Variants in DMD observed in about 807,000 individuals in gnomAD.
The protein encoded by DMD is mutant dystrophin.
In DMD, 63 loss-of-function variants were observed where a neutral mutation model predicts 330.1. The observed-to-expected ratio is 0.19, with a 90% CI of 0.16 to 0.24. The LOEUF (loss-of-function observed/expected upper bound fraction) is 0.24, where lower values mean the gene tolerates loss of function less well. Among genes scored for constraint, DMD ranks in the 10% least tolerant of loss-of-function variants. DMD has a pLI of 1.00. For synonymous variants in DMD, 1,223 were observed against 959.8 expected, an observed-to-expected ratio of 1.27 and a Z score of -5.07; for missense variants, 3,344 against 2,684.1, an observed-to-expected ratio of 1.25 and a Z score of -5.43.
intron 7 of DMD, among the ~76,000 whole-genome samples, chrX:32,714,689 C>T (rs1295943438): frequency 8.9e-6 from 1 of 111,808 alleles, no homozygotes; most frequent in African/African-American, 3.3e-5. Flanking sequence ...TCATATGTGA[C>T]TTCCTTTCCT....
At chrX:33,141,466 G>C (rs1039573244) in intron 1 of DMD, among the ~76,000 whole-genome samples, 1 of 111,419 alleles carries the variant, frequency 9.0e-6, no homozygotes, top group African/African-American at 3.3e-5. Context: ...GTCTTGCTAT[G>C]TATGGCCAAA....
chrX:31,584,953 T>C (rs2076517085), intron 55 of DMD, among the ~76,000 whole-genome samples: 1 of 110,181 alleles, frequency 9.1e-6, no homozygotes, highest in African/African-American at 3.3e-5. Flanking sequence ...TATCCTATAG[T>C]CACACAATAG....
intron 11 of DMD, among the ~76,000 whole-genome samples, chrX:32,639,717 G>A (rs1450757730): frequency 8.9e-6 from 1 of 111,819 alleles, no homozygotes; most frequent in African/African-American, 3.2e-5. Context: ...GTATCTGTAT[G>A]GTTATCTTTC....
intron 17 of DMD, among the ~76,000 whole-genome samples, chrX:32,541,765 A>G (rs967494464): frequency 8.3e-5 from 9 of 108,701 alleles, no homozygotes; most frequent in Non-Finnish European, 1.7e-4. Flanking sequence ...CAATTTACCC[A>G]TGTAACAAAC....
intron 43 of DMD, among the ~76,000 whole-genome samples, chrX:32,252,729 TATAA>T (rs2097273211): frequency 2.3e-5 from 1 of 43,907 alleles, no homozygotes; most frequent in Non-Finnish European, 3.4e-5. Flanking sequence ...TATATAAATA[TATAA>T]ATATATATAT....
At chrX:33,065,047 G>T (rs934628623) in intron 1 of DMD, among the ~76,000 whole-genome samples, 1 of 111,826 alleles carries the variant, frequency 8.9e-6, no homozygotes, top group Non-Finnish European at 1.9e-5. Context: ...CATTAACATG[G>T]AAAAAGTGCT....
chrX:32,302,329 G>C lies in DMD; in HGVS notation c.6117+7753C>G, dbSNP rs144591941. On this transcript the variant is annotated intron_variant, in intron 42 of 78. Transcript: ENST00000357033. ...TAAACCATGATATTTGGTGGGTTAA[G>C]TGTATTGAATGCATTTCCGCATACA... Among the ~76,000 whole-genome samples, 726 of 111,222 alleles carry C rather than the reference G, an allele frequency of 6.5e-3. 7 individuals are homozygous for C. Among genetic ancestry groups the C allele is most frequent in the African/African-American group, 0.022 (691 of 30,776 alleles).
chrX:32,388,672 C>T (rs1259673071), intron 32 of DMD, among the ~76,000 whole-genome samples: 2 of 110,431 alleles, frequency 1.8e-5, no homozygotes, highest in Non-Finnish European at 3.8e-5. Flanking sequence ...GATGTAGAAA[C>T]AATACTTAAA....
At chrX:32,926,368 C>T (rs1402102630) in intron 2 of DMD, among the ~76,000 whole-genome samples, 1 of 111,606 alleles carries the variant, frequency 9.0e-6, no homozygotes, top group Admixed American at 9.5e-5. Context: ...GAAATAAGTT[C>T]GAGAGATCTA....
At chrX:32,689,473 T>G (rs1004625954) in intron 9 of DMD, among the ~76,000 whole-genome samples, 1 of 111,373 alleles carries the variant, frequency 9.0e-6, no homozygotes, top group African/African-American at 3.3e-5. Context: ...ATAAGTGATT[T>G]CTATCAAACA....
intron 1 of DMD, among the ~76,000 whole-genome samples, chrX:33,155,695 G>A (rs1385693710): frequency 1.8e-5 from 2 of 110,154 alleles, no homozygotes; most frequent in Admixed American, 9.8e-5. Context: ...ATGGTGGCTC[G>A]TATCTGTACT....
At chrX:31,778,404 C>A (rs766244301) in intron 50 of DMD, among the ~76,000 whole-genome samples, 9 of 111,102 alleles carry the variant, frequency 8.1e-5, no homozygotes, top group African/African-American at 1.6e-4. Context: ...AGAGGCTAAT[C>A]TTCATCGACC....
intron 43 of DMD, among the ~76,000 whole-genome samples, chrX:32,234,723 A>C (rs2097181298): frequency 8.9e-6 from 1 of 112,148 alleles, no homozygotes; most frequent in South Asian, 3.7e-4. Context: ...TGCTGACATC[A>C]GTATCATTCA....
At chrX:32,696,409 A>T (rs1481664158) in intron 9 of DMD, among the ~76,000 whole-genome samples, 1 of 112,410 alleles carries the variant, frequency 8.9e-6, no homozygotes, top group East Asian at 2.8e-4. Flanking sequence ...TTTTTAAATG[A>T]TAAACATTAC....
intron 52 of DMD, among the ~76,000 whole-genome samples, chrX:31,716,744 T>G (rs1345230142): frequency 9.2e-5 from 3 of 32,448 alleles, no homozygotes; most frequent in East Asian, 2.7e-3. Context: ...CACAAATTGA[T>G]AGTTTATATA....
At chrX:31,750,530 C>T (rs1313843989) in intron 51 of DMD, among the ~76,000 whole-genome samples, 2 of 111,276 alleles carry the variant, frequency 1.8e-5, no homozygotes, top group Admixed American at 9.6e-5. Flanking sequence ...CAGTACCATG[C>T]TGTTTTGGTT....
chrX:32,098,191 T>C (rs2096521660), intron 44 of DMD, among the ~76,000 whole-genome samples: 1 of 111,727 alleles, frequency 9.0e-6, no homozygotes, highest in African/African-American at 3.2e-5. Flanking sequence ...TTTATGGATG[T>C]ATATACATGT....
At chrX:32,187,617 G>C in intron 44 of DMD, among the ~76,000 whole-genome samples, 1 of 111,695 alleles carries the variant, frequency 9.0e-6, no homozygotes, top group East Asian at 2.8e-4. Flanking sequence ...TGAAGCTCAT[G>C]GGGAAATTTC....
chrX:31,769,796 A>G (rs2090228727), intron 51 of DMD, among the ~76,000 whole-genome samples: 1 of 111,778 alleles, frequency 8.9e-6, no homozygotes, highest in African/African-American at 3.3e-5. Context: ...CATGTTCTTG[A>G]CTGAGTTCAG....
Sources: gnomAD v4.1 joint callset for allele counts (sites outside exome capture counted in the v4.1 genomes callset) on GRCh38, gnomAD v4.1.1 for gene constraint, MANE v1.5 for transcripts, NCBI Gene and HGNC (gene_info 2026-07-23, HGNC 2026-07-21) for gene names.